The following COL16A1 variants were observed in gnomAD, a reference collection of about 807,000 sequenced individuals.
The protein encoded by COL16A1 is collagen alpha-1(XVI) chain.
In COL16A1, 189 loss-of-function variants were observed where a neutral mutation model predicts 266.3. That is an observed-to-expected ratio of 0.71 (90% CI 0.63 to 0.80). COL16A1 has a LOEUF of 0.80. Ranked by LOEUF, COL16A1 falls within the 30% of genes least tolerant of loss-of-function variation. The pLI is 0.00. For synonymous variants in COL16A1, 740 were observed against 782.3 expected, an observed-to-expected ratio of 0.95 and a Z score of 0.90; for missense variants, 1,928 against 2,122.4, an observed-to-expected ratio of 0.91 and a Z score of 1.80.
At chr1:31,660,506 A>G (rs1377847720) in intron 62 of COL16A1, 79 bp downstream of exon 62, 4 of 1,577,412 alleles carry the variant, frequency 2.5e-6, no homozygotes, top group Non-Finnish European at 3.5e-6. Context: ...CTCTCAGGTC[A>G]TGACAGCCTA....
chr1:31,661,763 A>C, intron 58 of COL16A1, 59 bp from the exon 59 acceptor site: 49 of 1,545,736 alleles, frequency 3.2e-5, no homozygotes, highest in Non-Finnish European at 4.2e-5. Context: ...TATCCAACTC[A>C]TACCTCTGTC....
At chr1:31,667,516 C>A in intron 52 of COL16A1, 59 bp downstream of exon 52, 2 of 1,441,612 alleles carry the variant, frequency 1.4e-6, no homozygotes, top group Non-Finnish European at 1.9e-6. Flanking sequence ...AGTCTCCAGC[C>A]CGAGACTGTG....
intron 9 of COL16A1, 133 bp downstream of exon 9, chr1:31,695,955 T>C (rs1644479508): frequency 2.0e-6 from 2 of 987,824 alleles, no homozygotes; most frequent in African/African-American, 3.2e-5. Context: ...GGCACCTACA[T>C]GTCCTAAGCT....
Position 31,697,368 on chromosome 1 carries a change from AGG to A in COL16A1, c.658-70_658-69del. 3 of 1,456,964 alleles carry A rather than the reference AGG, an allele frequency of 2.1e-6. No individual in the cohort carries two copies. The highest frequency in any genetic ancestry group is 1.3e-5 in the South Asian group (1 of 79,418). The allele number at this position is 1,456,964 out of a possible 1,614,324, so 90.3% of individuals were successfully genotyped here. Reference sequence around the variant, plus strand: ...TAGCTCTGTGTCCTGGCCCCCCAGGAGGCACAGAGATGTCTCTGCCCCAGGAT... The same window carrying A: ...TAGCTCTGTGTCCTGGCCCCCCAGGACACAGAGATGTCTCTGCCCCAGGAT... On this transcript the variant is annotated intron_variant, in intron 6 of 70. Coordinates refer to ENST00000373672, the MANE Select transcript of COL16A1 (RefSeq NM_001856.4). The surrounding 1 kb of genome is among the most constrained non-coding windows in gnomAD (Gnocchi z 4.2).
intron 47 of COL16A1, 30 bp from the exon 48 acceptor site, chr1:31,671,689 A>C: frequency 1.9e-6 from 3 of 1,613,828 alleles, no homozygotes; most frequent in Non-Finnish European, 2.5e-6. Flanking sequence ...AAATGGATGA[A>C]GAGGCCCAGG....
rs1408271864 is a variant in COL16A1, at chr1:31,670,504, A to T, written c.3195+98T>A. The stretch of plus-strand genomic sequence containing the variant: ...GCCTGAAGGGGGACAACAAACACGG[A>T]GGACGGAGGTGAAGGCACGACAGGA... On this transcript the variant is annotated intron_variant, in intron 49 of 70. Coordinates refer to ENST00000373672, the MANE Select transcript of COL16A1 (RefSeq NM_001856.4). This position sits in a 1 kb window ranked among gnomAD's most constrained non-coding sequence, Gnocchi z 4.5. 1 of 1,280,718 alleles carries T rather than the reference A, an allele frequency of 7.8e-7. No homozygotes were observed. Among genetic ancestry groups the T allele is most frequent in the East Asian group, 3.1e-5 (1 of 31,798 alleles). The allele number at this position is 1,280,718 out of a possible 1,614,324, so 79.3% of individuals were successfully genotyped here.
Position 31,691,446 on chromosome 1 carries a change from G to A in COL16A1, c.1369C>T (p.Pro457Ser), listed in dbSNP as rs762810961. Residue 457 changes from proline to serine, a missense_variant, in exon 19 of 71, where the codon CCC becomes TCC. Transcript: ENST00000373672. ...GTCCCAGGCAGTCCTATCCCAGGGG[G>A]TCCAGGGAGGCCGGGGGGCCCAGGC... ...GEPGPPGLPG[P>S]PGIGLPGTPG... 2.5e-6 allele frequency: 4 copies of A among 1,613,006 alleles called. No homozygotes were observed. Among genetic ancestry groups the A allele is most frequent in the South Asian group, 1.1e-5 (1 of 90,984 alleles).
intron 26 of COL16A1, among the ~76,000 whole-genome samples, chr1:31,687,630 G>A (rs1487969484): frequency 1.3e-5 from 2 of 151,772 alleles, no homozygotes; most frequent in Non-Finnish European, 2.9e-5. Context: ...GGGCTAGAGG[G>A]AGGGGGCAGC....
Position 31,696,122 on chromosome 1 carries a change from C to G in COL16A1, c.884G>C (p.Gly295Ala), listed in dbSNP as rs770464304. The change falls in exon 9 of 71, where the codon GGA becomes GCA. Residue 295 changes from glycine to alanine, a missense_variant. This residue lies in a region of COL16A1 where 1,552 missense variants were observed against 1,637.2 expected (regional missense o/e 0.95). Coordinates refer to ENST00000373672, the MANE Select transcript of COL16A1 (RefSeq NM_001856.4). ...QNSEVDAQLT[G>A]RISQKAERGA... The stretch of plus-strand genomic sequence containing the variant: ...CCTTTCTGCCTTCTGGCTGATTCTT[C>G]CCGTCAGCTGGGCATCCACCTGGGC... 1 of 1,600,624 alleles carries G rather than the reference C, an allele frequency of 6.2e-7. No homozygotes were observed. The highest frequency in any genetic ancestry group is 8.5e-7 in the Non-Finnish European group (1 of 1,173,202).
chr1:31,690,540 C>A lies in COL16A1; in HGVS notation c.1471G>T (p.Gly491Cys), dbSNP rs539597074. The A allele has an allele frequency of 5.6e-6, 9 of 1,613,844 alleles. No individual in the cohort carries two copies. Among genetic ancestry groups the A allele is most frequent in the Middle Eastern group, 1.7e-4 (1 of 6,054 alleles). The change falls in exon 21 of 71, where the codon GGT becomes TGT. Residue 491 changes from glycine (G) to cysteine (C), a missense_variant. Physicochemically the swap from Gly to Cys is radical, Grantham distance 159. Coordinates refer to ENST00000373672, the MANE Select transcript of COL16A1 (RefSeq NM_001856.4). ...TTGGTGTCACTCACAGGTTTCCCAC[C>A]AGGGCCTTCCTTTCCTGGGATCCCC... is the stretch of plus-strand genomic sequence containing the variant. ...SSGIPGKEGP[G>C]GKPGKPGVKG...
At position 31,653,684 on chromosome 1, in the gene COL16A1, A is replaced by C; in HGVS notation, c.4535-8T>G. The C allele has an allele frequency of 6.2e-7, 1 of 1,611,644 alleles. No individual in the cohort carries two copies. Among genetic ancestry groups the C allele is most frequent in the Non-Finnish European group, 8.5e-7 (1 of 1,178,826 alleles). On this transcript the variant is annotated splice_region_variant and splice_polypyrimidine_tract_variant and intron_variant, in intron 69 of 70. Coordinates refer to ENST00000373672, the MANE Select transcript of COL16A1 (RefSeq NM_001856.4). ...CTTTGGTACCAGGCAATCCTGGAAC[A>C]AAAGAAATAAATAAGTCCTATCCCT... is the stretch of plus-strand genomic sequence containing the variant.
intron 13 of COL16A1, 97 bp downstream of exon 13, chr1:31,692,995 G>C: frequency 9.9e-7 from 1 of 1,012,962 alleles, no homozygotes; most frequent in East Asian, 2.6e-5. Context: ...CAAGCTGCAG[G>C]CTTTCTGCCG....
intron 12 of COL16A1, 35 bp downstream of exon 12, chr1:31,694,109 A>C (rs928907440): frequency 1.3e-6 from 2 of 1,590,872 alleles, no homozygotes; most frequent in Non-Finnish European, 1.7e-6. Flanking sequence ...GATGCTAAAG[A>C]GGACGGGAAT....
Position 31,670,097 on chromosome 1 carries a change from A to G in COL16A1, c.3195+505T>C, listed in dbSNP as rs1642519121. 1 of 153,416 alleles carries G rather than the reference A, an allele frequency of 6.5e-6. No homozygotes were observed. Among genetic ancestry groups the G allele is most frequent in the Non-Finnish European group, 1.5e-5 (1 of 68,864 alleles). The allele number at this position is 153,416 out of a possible 1,614,324, so 9.5% of individuals were successfully genotyped here. ...AGCAGCAGGGCAGCAAACCTGTGCC[A>G]GCCTGCAATGTGAAGCCCTAAAGCT... On this transcript the variant is annotated intron_variant, in intron 49 of 70. Coordinates refer to ENST00000373672, the MANE Select transcript of COL16A1 (RefSeq NM_001856.4). The surrounding 1 kb of genome is among the most constrained non-coding windows in gnomAD (Gnocchi z 4.5).
intron 1 of COL16A1, among the ~76,000 whole-genome samples, chr1:31,703,150 G>T (rs1346967327): frequency 6.6e-6 from 1 of 152,148 alleles, no homozygotes; most frequent in Non-Finnish European, 1.5e-5. Flanking sequence ...TATGCTCGCT[G>T]ATATACCCAG....
At chr1:31,701,922 A>T (rs1644737795) in intron 2 of COL16A1, among the ~76,000 whole-genome samples, 199 bp downstream of exon 2, 1 of 152,112 alleles carries the variant, frequency 6.6e-6, no homozygotes, top group Non-Finnish European at 1.5e-5. Flanking sequence ...GTACGAAGAC[A>T]CAGGCACACA....
intron 37 of COL16A1, among the ~76,000 whole-genome samples, chr1:31,681,313 C>T (rs192748573): frequency 7.2e-5 from 11 of 152,364 alleles, no homozygotes; most frequent in East Asian, 1.9e-4. Context: ...GAATGGAATC[C>T]GCTCTCCCAG....
chr1:31,658,587 A>G lies in COL16A1; in HGVS notation c.3931-10T>C. On this transcript the variant is annotated splice_polypyrimidine_tract_variant and intron_variant, in intron 63 of 70. Coordinates refer to ENST00000373672, the MANE Select transcript of COL16A1 (RefSeq NM_001856.4). ...GGTCTCCTTTCAGACCCTAGAGAAT[A>G]GGAAGGGGGACAGTGAGAGGGGAGG... 1.3e-6 allele frequency: 2 copies of G among 1,595,556 alleles called. No homozygotes were observed. Among genetic ancestry groups the G allele is most frequent in the South Asian group, 2.3e-5 (2 of 87,502 alleles).
At chr1:31,692,997 T>C in intron 13 of COL16A1, 95 bp downstream of exon 13, 2 of 1,027,720 alleles carry the variant, frequency 1.9e-6, no homozygotes, top group Non-Finnish European at 3.0e-6. Context: ...AGCTGCAGGC[T>C]TTCTGCCGGG....
Sources: allele counts gnomAD v4.1 joint callset (sites outside exome capture counted in the v4.1 genomes callset), GRCh38; gene constraint gnomAD v4.1.1; regional missense constraint gnomAD v4.1.1; non-coding constraint Gnocchi (gnomAD v3.1); transcripts MANE v1.5; gene names NCBI Gene and HGNC (gene_info 2026-07-23, HGNC 2026-07-21).